MPZL1: variants seen among roughly 807,000 people sequenced by gnomAD.
MPZL1 encodes myelin protein zero-like protein 1.
In MPZL1, 16 loss-of-function variants were observed where a neutral mutation model predicts 29.3. The ratio of observed to expected loss-of-function variants is 0.55; its 90% CI spans 0.37 to 0.83. The LOEUF (loss-of-function observed/expected upper bound fraction) is 0.83, where lower values mean the gene tolerates loss of function less well. Ranked by LOEUF, MPZL1 falls within the 40% of genes least tolerant of loss-of-function variation. The pLI is 0.00. For missense variants in MPZL1, 279 were observed against 332.9 expected, an observed-to-expected ratio of 0.84 and a Z score of 1.26; for synonymous variants, 143 against 132.0, an observed-to-expected ratio of 1.08 and a Z score of -0.57.
At chr1:167,738,203 A>G (rs1169277495) in intron 1 of MPZL1, among the ~76,000 whole-genome samples, 1 of 152,054 alleles carries the variant, frequency 6.6e-6, no homozygotes, top group Non-Finnish European at 1.5e-5. Flanking sequence ...GGATTATAGG[A>G]GTGAGCCACC....
At position 167,723,625 on chromosome 1, in the gene MPZL1, G is replaced by C. The variant is rs1660085015; in HGVS notation, c.91+1383G>C. Reference sequence around the variant, plus strand: ...TGAGAGGTCAGACATTGCTATGGAGGACAAAGCAGTTAGGGTGATCTTAAT... The same window carrying C: ...TGAGAGGTCAGACATTGCTATGGAGCACAAAGCAGTTAGGGTGATCTTAAT... On this transcript the variant is annotated intron_variant, in intron 1 of 5. Coordinates refer to ENST00000359523, the MANE Select transcript of MPZL1 (RefSeq NM_003953.6). Among the ~76,000 whole-genome samples the C allele has an allele frequency of 4.6e-5, 7 of 152,218 alleles. No homozygotes were observed. The South Asian group carries it at 1.5e-3, about 32-fold the overall frequency.
Position 167,790,505 on chromosome 1 carries a change from C to T in MPZL1, c.*2584C>T, listed in dbSNP as rs1020104272. On this transcript the variant is annotated 3_prime_UTR_variant, in exon 6 of 6. Coordinates refer to ENST00000359523, the MANE Select transcript of MPZL1 (RefSeq NM_003953.6). ...CTCTTCCCAAGCCCTGCACACCCACCCCTGCAGCCCTTTTGGCTCCCCTTT... is the reference window on the plus strand; with the variant it reads ...CTCTTCCCAAGCCCTGCACACCCACTCCTGCAGCCCTTTTGGCTCCCCTTT... 6.6e-6 allele frequency: 1 copy of T among 152,294 alleles called. No homozygotes were observed. Among genetic ancestry groups the T allele is most frequent in the African/African-American group, 2.4e-5 (1 of 41,454 alleles). The allele number at this position is 152,294 out of a possible 1,614,324, so 9.4% of individuals were successfully genotyped here.
In MPZL1 at chr1:167,773,284, C is replaced by T; in HGVS notation, c.521C>T (p.Ala174Val). Residue 174 changes from alanine to valine, a missense_variant, in exon 4 of 6, where the codon GCT (alanine) becomes GTT (valine). Transcript: ENST00000359523. ...TGGGTAGTGGTGGGCATAGTTACTG[C>T]TGTGGTCCTAGGTCTCACTCTGCTC... ...PVWVVVGIVT[A>V]VVLGLTLLIS... The T allele has an allele frequency of 6.2e-7, 1 of 1,613,494 alleles. No individual in the cohort carries two copies. The highest frequency in any genetic ancestry group is 8.5e-7 in the Non-Finnish European group (1 of 1,179,426).
At position 167,722,254 on chromosome 1, in the gene MPZL1, C is replaced by T; in HGVS notation, c.91+12C>T. ...GGCGCTTGGGCTCTGTAAGTGATGCCAGGACCAGGGCTGGGGCCGGGGAGT... is the reference window on the plus strand; with the variant it reads ...GGCGCTTGGGCTCTGTAAGTGATGCTAGGACCAGGGCTGGGGCCGGGGAGT... On this transcript the variant is annotated intron_variant, in intron 1 of 5. Coordinates refer to ENST00000359523, the MANE Select transcript of MPZL1 (RefSeq NM_003953.6). The T allele has an allele frequency of 8.1e-7, 1 of 1,238,144 alleles. No homozygotes were observed. Among genetic ancestry groups the T allele is most frequent in the East Asian group, 3.1e-5 (1 of 31,762 alleles). 76.7% of individuals were successfully genotyped at this position (1,238,144 alleles called of 1,614,324 possible).
chr1:167,739,100 C>T (rs1229701295), intron 1 of MPZL1, among the ~76,000 whole-genome samples: 1 of 151,458 alleles, frequency 6.6e-6, no homozygotes, highest in Admixed American at 6.6e-5. Flanking sequence ...CACCACCATG[C>T]CCAGCTAAGC....
chr1:167,767,137 G>T (rs1661130943), intron 2 of MPZL1, among the ~76,000 whole-genome samples: 1 of 152,200 alleles, frequency 6.6e-6, no homozygotes, highest in Non-Finnish European at 1.5e-5. Flanking sequence ...TAGTCTAGAG[G>T]TCTTTATAAG....
rs1661360332 is a variant in MPZL1 at position 167,776,102 on chromosome 1, C to T, written c.644C>T (p.Ala215Val). The T allele has an allele frequency of 6.2e-7, 1 of 1,612,316 alleles. No homozygotes were observed. The highest frequency in any genetic ancestry group is 1.7e-5 in the Admixed American group (1 of 59,860). Residue 215 changes from alanine (A) to valine (V), a missense_variant, in exon 5 of 6, where the codon GCT becomes GTT. Transcript: ENST00000359523. ...GAGAGTTTGTCACCAGTTAAGCAGG[C>T]TCCTCGGAAGTCCCCCTCCGACACT... Reference protein sequence around the residue: ...TSESLSPVKQAPRKSPSDTEG... With the variant: ...TSESLSPVKQVPRKSPSDTEG...
intron 2 of MPZL1, 129 bp from the exon 3 acceptor site, chr1:167,772,146 A>G: frequency 1.4e-6 from 1 of 736,210 alleles, no homozygotes; most frequent in Non-Finnish European, 2.3e-6. Flanking sequence ...GGGGAGAGGG[A>G]GAGGGAGAGA....
intron 1 of MPZL1, among the ~76,000 whole-genome samples, chr1:167,739,558 C>T (rs1022903480): frequency 6.6e-6 from 1 of 151,964 alleles, no homozygotes; most frequent in Non-Finnish European, 1.5e-5. Context: ...TTACCTTATA[C>T]AGATGTAGAA....
intron 5 of MPZL1, 72 bp downstream of exon 5, chr1:167,776,238 T>C: frequency 7.4e-6 from 8 of 1,077,692 alleles, no homozygotes; most frequent in Non-Finnish European, 9.6e-6. Flanking sequence ...TCCTTGGGTG[T>C]GGAAAAGAAT....
Position 167,722,126 on chromosome 1 carries a change from G to A in MPZL1, c.-26G>A. On this transcript the variant is annotated 5_prime_UTR_variant, in exon 1 of 6. Transcript: ENST00000359523. ...ACCCGGGCTCAGGGACGCGGCGGCG[G>A]CGGCGGCGACTGCAGTGGCTGGACG... 8.1e-7 allele frequency: 1 copy of A among 1,234,458 alleles called. No individual in the cohort carries two copies. The highest frequency in any genetic ancestry group is 1.0e-6 in the Non-Finnish European group (1 of 988,834). 76.5% of individuals were successfully genotyped at this position (1,234,458 alleles called of 1,614,324 possible).
intron 1 of MPZL1, among the ~76,000 whole-genome samples, chr1:167,722,503 C>T (rs1017009122): frequency 2.0e-5 from 3 of 152,064 alleles, no homozygotes; most frequent in Non-Finnish European, 1.5e-5. Context: ...CTTTACCTTG[C>T]TCCTTCCCGG....
At chr1:167,780,337 T>C (rs1254154248) in intron 5 of MPZL1, among the ~76,000 whole-genome samples, 1 of 152,178 alleles carries the variant, frequency 6.6e-6, no homozygotes, top group Non-Finnish European at 1.5e-5. Flanking sequence ...GAACCAATCA[T>C]ATGCTGTCTG....
At position 167,788,812 on chromosome 1, in the gene MPZL1, A is replaced by G. The variant is rs893559684; in HGVS notation, c.*891A>G. ...TTTCTTTCCTTCTAAGTAGGCAGAA[A>G]TGGTATCATTATGTTGCCGCTCTCC... On this transcript the variant is annotated 3_prime_UTR_variant, in exon 6 of 6. Transcript: ENST00000359523. 1 of 151,780 alleles carries G rather than the reference A, an allele frequency of 6.6e-6. No individual in the cohort carries two copies. Among genetic ancestry groups the G allele is most frequent in the Non-Finnish European group, 1.5e-5 (1 of 67,982 alleles). The allele number at this position is 151,780 out of a possible 1,614,324, so 9.4% of individuals were successfully genotyped here.
Position 167,722,045 on chromosome 1 carries a change from GC to G in MPZL1, c.-106del. ...GCGCGGCGTGGAGGTGCCACCCGGC[GC>G]GGGTGGCGGAGAGATCAGAAGCCTC... is the stretch of plus-strand genomic sequence containing the variant. On this transcript the variant is annotated 5_prime_UTR_variant, in exon 1 of 6. Coordinates refer to ENST00000359523, the MANE Select transcript of MPZL1 (RefSeq NM_003953.6). The G allele has an allele frequency of 8.2e-7, 1 of 1,219,146 alleles. No individual in the cohort carries two copies. Among genetic ancestry groups the G allele is most frequent in the South Asian group, 4.2e-5 (1 of 24,032 alleles). 75.5% of individuals were successfully genotyped at this position (1,219,146 alleles called of 1,614,324 possible).
intron 1 of MPZL1, among the ~76,000 whole-genome samples, chr1:167,753,831 T>C (rs1660809824): frequency 6.6e-6 from 1 of 152,034 alleles, no homozygotes; most frequent in Admixed American, 6.5e-5. Context: ...GATTTCACCA[T>C]GTTGGCCAGG....
intron 1 of MPZL1, among the ~76,000 whole-genome samples, chr1:167,728,558 TAAC>T (rs1422439086): frequency 2.6e-5 from 4 of 152,052 alleles, no homozygotes; most frequent in South Asian, 2.1e-4. Context: ...TTTATTCACT[TAAC>T]AATTTTTTCT....
At chr1:167,754,423 C>T (rs1009060518) in intron 1 of MPZL1, among the ~76,000 whole-genome samples, 1 of 152,150 alleles carries the variant, frequency 6.6e-6, no homozygotes, top group Non-Finnish European at 1.5e-5. Flanking sequence ...ATGAATAATT[C>T]GTGGACTTTG....
At chr1:167,763,782 A>G (rs1277273270) in intron 1 of MPZL1, among the ~76,000 whole-genome samples, 2 of 152,160 alleles carry the variant, frequency 1.3e-5, no homozygotes, top group East Asian at 3.9e-4. Flanking sequence ...TCTGAAAGAA[A>G]TGCTTGTTTT....
Sources: gnomAD v4.1 joint callset for allele counts (sites outside exome capture counted in the v4.1 genomes callset) on GRCh38, gnomAD v4.1.1 for gene constraint, MANE v1.5 for transcripts, NCBI Gene and HGNC (gene_info 2026-07-23, HGNC 2026-07-21) for gene names.